The following ROBO2 variants were observed in gnomAD, a reference collection of about 807,000 sequenced individuals.
ROBO2 encodes the protein roundabout guidance receptor 2.
A neutral mutation model predicts 160.8 loss-of-function variants in ROBO2; 53 were observed. The ratio of observed to expected loss-of-function variants is 0.33; its 90% CI spans 0.26 to 0.41. The LOEUF (loss-of-function observed/expected upper bound fraction) is 0.41, where lower values mean the gene tolerates loss of function less well. Ranked by LOEUF, ROBO2 falls within the 10% of genes least tolerant of loss-of-function variation. The probability of loss-of-function intolerance (pLI) is 1.00; values close to 1 mark genes in which losing one functional copy is unlikely to be tolerated. For missense variants in ROBO2, 1,577 were observed against 1,722.4 expected (o/e 0.92, Z 1.49); for synonymous variants, 664 against 611.7 (o/e 1.09, Z -1.26).
intron 2 of ROBO2, among the ~76,000 whole-genome samples, chr3:77,288,906 G>A (rs1445925094): frequency 6.6e-6 from 1 of 150,974 alleles, no homozygotes; most frequent in Non-Finnish European, 1.5e-5. Context: ...ATCATTGAAA[G>A]TTAGAAGTAA....
chr3:77,450,245 A>G (rs1208839462), intron 2 of ROBO2, among the ~76,000 whole-genome samples: 1 of 152,144 alleles, frequency 6.6e-6, no homozygotes, highest in South Asian at 2.1e-4. Flanking sequence ...TTGATGTTAA[A>G]TGAGACACTA....
intron 2 of ROBO2, among the ~76,000 whole-genome samples, chr3:76,812,512 GA>G (rs1240261641): frequency 6.6e-6 from 1 of 151,668 alleles, no homozygotes; most frequent in African/African-American, 2.4e-5. Context: ...AAAAAAAAGG[GA>G]AACTTGAACA....
At chr3:77,225,778 A>C (rs1560284472) in intron 2 of ROBO2, among the ~76,000 whole-genome samples, 1 of 152,052 alleles carries the variant, frequency 6.6e-6, no homozygotes, top group Non-Finnish European at 1.5e-5. Flanking sequence ...TTGAATTAAC[A>C]CTTGCAAGCT....
chr3:77,517,630 G>A (rs1019776057), intron 5 of ROBO2, among the ~76,000 whole-genome samples: 4 of 151,346 alleles, frequency 2.6e-5, no homozygotes, highest in African/African-American at 9.7e-5. Flanking sequence ...TTGCAGTTTT[G>A]TACTTTCTCT....
chr3:77,252,820 A>AT (rs2153305793), intron 2 of ROBO2, among the ~76,000 whole-genome samples: 1 of 88,332 alleles, frequency 1.1e-5, no homozygotes, highest in East Asian at 2.4e-4. Flanking sequence ...AAAAAAAAAA[A>AT]AAAAAAAAAA....
At chr3:76,801,673 C>G (rs1466210017) in intron 2 of ROBO2, among the ~76,000 whole-genome samples, 1 of 152,000 alleles carries the variant, frequency 6.6e-6, no homozygotes, top group Non-Finnish European at 1.5e-5. Context: ...GTTTTGCTTT[C>G]TTATCACTTG....
At position 77,271,051 on chromosome 3, in the gene ROBO2, A is replaced by G. The variant is rs545615400; in HGVS notation, c.388+172711A>G. Among the ~76,000 whole-genome samples the G allele has an allele frequency of 9.6e-4, 146 of 152,066 alleles. 4 individuals are homozygous for G. The South Asian group carries it at 0.029, about 30-fold the overall frequency. ...TTTTACCAATGCACATATAGGGTAC[A>G]TTTTTATATTTTTTATTCATGAGGA... On this transcript the variant is annotated intron_variant, in intron 2 of 25. Transcript: ENST00000461745.
At chr3:76,348,271 G>A (rs1308865926) in intron 2 of ROBO2, among the ~76,000 whole-genome samples, 1 of 152,134 alleles carries the variant, frequency 6.6e-6, no homozygotes, top group Non-Finnish European at 1.5e-5. Flanking sequence ...CATCTTCTGG[G>A]GAGGCAAGTA....
chr3:77,252,893 T>C (rs1457596628), intron 2 of ROBO2, among the ~76,000 whole-genome samples: 2 of 142,024 alleles, frequency 1.4e-5, no homozygotes, highest in African/African-American at 5.1e-5. Context: ...TTCCAACCTG[T>C]TTAGAAAGAG....
At chr3:76,708,781 G>C (rs1403634449) in intron 2 of ROBO2, among the ~76,000 whole-genome samples, 1 of 152,196 alleles carries the variant, frequency 6.6e-6, no homozygotes, top group Non-Finnish European at 1.5e-5. Flanking sequence ...ATGAAGATGA[G>C]GGGATTGGAA....
At chr3:76,945,009 C>T (rs997681175) in intron 2 of ROBO2, among the ~76,000 whole-genome samples, 2 of 152,050 alleles carry the variant, frequency 1.3e-5, no homozygotes, top group Non-Finnish European at 2.9e-5. Flanking sequence ...CTGCCTCAGC[C>T]TCCCGAGTAG....
chr3:76,949,125 A>G (rs2078801541), intron 2 of ROBO2, among the ~76,000 whole-genome samples: 2 of 150,916 alleles, frequency 1.3e-5, no homozygotes, highest in Admixed American at 6.6e-5. Context: ...TTTTCCTTGT[A>G]TTCCCCTAAA....
chr3:76,986,840 C>T (rs1468332117), intron 2 of ROBO2, among the ~76,000 whole-genome samples: 1 of 152,004 alleles, frequency 6.6e-6, no homozygotes, highest in African/African-American at 2.4e-5. Flanking sequence ...TAATTGATAT[C>T]TATTATTAAA....
intron 2 of ROBO2, among the ~76,000 whole-genome samples, chr3:76,126,352 T>C (rs890306021): frequency 3.9e-5 from 6 of 152,278 alleles, no homozygotes; most frequent in African/African-American, 1.4e-4. Context: ...GCTTATATAT[T>C]CACTGTTGGA....
chr3:76,097,267 A>G (rs2069491243), intron 2 of ROBO2, among the ~76,000 whole-genome samples: 1 of 152,084 alleles, frequency 6.6e-6, no homozygotes, highest in Non-Finnish European at 1.5e-5. Context: ...GCATGAGCCT[A>G]TTTGTCAGGA....
At chr3:76,836,509 T>G (rs993784806) in intron 2 of ROBO2, among the ~76,000 whole-genome samples, 1 of 151,700 alleles carries the variant, frequency 6.6e-6, no homozygotes, top group African/African-American at 2.4e-5. Flanking sequence ...TTGTTTTCAG[T>G]AGCTTCATTT....
chr3:76,264,085 A>G (rs1706943432), intron 2 of ROBO2, among the ~76,000 whole-genome samples: 1 of 152,100 alleles, frequency 6.6e-6, no homozygotes, highest in South Asian at 2.1e-4. Context: ...GAGGAGCCAG[A>G]GGAGGGAGAG....
chr3:75,987,445 G>A (rs112504858), intron 2 of ROBO2, among the ~76,000 whole-genome samples: 44 of 151,870 alleles, frequency 2.9e-4, no homozygotes, highest in African/African-American at 9.4e-4. Context: ...GTGTGTGTGC[G>A]TGTGTGTGTG....
intron 6 of ROBO2, among the ~76,000 whole-genome samples, chr3:77,526,547 T>A: frequency 6.6e-6 from 1 of 151,622 alleles, no homozygotes; most frequent in Middle Eastern, 3.2e-3. Flanking sequence ...TGCTTTTGTA[T>A]AAAATGGTTT....
Sources: gnomAD v4.1 joint callset for allele counts (sites outside exome capture counted in the v4.1 genomes callset) on GRCh38, gnomAD v4.1.1 for gene constraint, MANE v1.5 for transcripts, NCBI Gene and HGNC (gene_info 2026-07-23, HGNC 2026-07-21) for gene names.